DGKG: variants seen among roughly 807,000 people sequenced by gnomAD.
DGKG encodes the protein diacylglycerol kinase gamma.
A neutral mutation model predicts 105.3 loss-of-function variants in DGKG; 78 were observed. The observed-to-expected ratio is 0.74, with a 90% CI of 0.62 to 0.89. The LOEUF (loss-of-function observed/expected upper bound fraction) is 0.89. DGKG is among the 40% of genes least tolerant of loss of function. The pLI is 0.00. For synonymous variants in DGKG, 346 were observed against 367.1 expected, an observed-to-expected ratio of 0.94 and a Z score of 0.66; for missense variants, 958 against 1,020.1, an observed-to-expected ratio of 0.94 and a Z score of 0.83.
chr3:186,296,351 C>T (rs763946098), intron 5 of DGKG, among the ~76,000 whole-genome samples: 12 of 152,178 alleles, frequency 7.9e-5, no homozygotes, highest in Non-Finnish European at 1.6e-4. Context: ...GGAATCAAAC[C>T]CAGGCATCCT....
At chr3:186,322,180 G>T (rs1725112127) in intron 1 of DGKG, among the ~76,000 whole-genome samples, 1 of 152,136 alleles carries the variant, frequency 6.6e-6, no homozygotes, top group African/African-American at 2.4e-5. Flanking sequence ...CAGCCTAAAT[G>T]CCTATCAGTG....
At chr3:186,197,175 A>G (rs577369906) in intron 21 of DGKG, among the ~76,000 whole-genome samples, 2 of 152,068 alleles carry the variant, frequency 1.3e-5, no homozygotes, top group African/African-American at 2.4e-5. Flanking sequence ...TGAAGATGGA[A>G]GTAGTAAATG....
In DGKG at chr3:186,203,723, G is replaced by A. The variant is rs1307880412; in HGVS notation, c.1917+8072C>T. 2.0e-5 allele frequency among the ~76,000 whole-genome samples: 3 copies of A among 152,214 alleles called. No individual in the cohort carries two copies. The highest frequency in any genetic ancestry group is 3.8e-4 in the East Asian group (2 of 5,196). Reference sequence around the variant, plus strand: ...TACTTTTGACTCCATGGTTTGATATGTAATCAGGTTGGCCCTCTTATTTTC... The same window carrying A: ...TACTTTTGACTCCATGGTTTGATATATAATCAGGTTGGCCCTCTTATTTTC... On this transcript the variant is annotated intron_variant, in intron 21 of 24. Transcript: ENST00000265022. This position sits in a 1 kb window ranked among gnomAD's most constrained non-coding sequence, Gnocchi z 4.9.
chr3:186,165,027 C>A lies in DGKG; in HGVS notation c.2096-9G>T, dbSNP rs746345041. 3.7e-6 allele frequency: 6 copies of A among 1,609,812 alleles called. No individual in the cohort carries two copies. The highest frequency in any genetic ancestry group is 2.2e-5 in the South Asian group (2 of 90,498). ...GAGCTGGTCACTGAGGTCTGCAGAG[C>A]GAGACAGCAAAAGTAGTGCATACAC... On this transcript the variant is annotated splice_polypyrimidine_tract_variant and intron_variant, in intron 22 of 24. Coordinates refer to ENST00000265022, the MANE Select transcript of DGKG (RefSeq NM_001346.3).
chr3:186,273,802 A>C (rs1333321368), intron 10 of DGKG, among the ~76,000 whole-genome samples: 1 of 152,290 alleles, frequency 6.6e-6, no homozygotes, highest in South Asian at 2.1e-4. Context: ...AAAGCACTTC[A>C]GCCTGGAGCA....
intron 17 of DGKG, 37 bp from the exon 18 acceptor site, chr3:186,253,219 A>T (rs767603876): frequency 2.6e-6 from 4 of 1,522,392 alleles, no homozygotes; most frequent in Non-Finnish European, 3.6e-6. Flanking sequence ...ACCATATGCC[A>T]TGGGACTGTA....
intron 1 of DGKG, among the ~76,000 whole-genome samples, chr3:186,337,873 A>G (rs1408084482): frequency 2.0e-5 from 3 of 152,218 alleles, no homozygotes; most frequent in Non-Finnish European, 4.4e-5. Context: ...CAAAATTTTA[A>G]TAAAAAGTAG....
chr3:186,150,894 C>G (rs1715729171), intron 24 of DGKG, among the ~76,000 whole-genome samples: 1 of 152,212 alleles, frequency 6.6e-6, no homozygotes, highest in East Asian at 1.9e-4. Flanking sequence ...ATCCTCAGGT[C>G]ATGGCTTTGA....
intron 20 of DGKG, among the ~76,000 whole-genome samples, chr3:186,220,548 T>TAGTG (rs1298513217): frequency 6.6e-6 from 1 of 152,182 alleles, no homozygotes; most frequent in Non-Finnish European, 1.5e-5. Context: ...TCACCAGAGC[T>TAGTG]AGTGACTGCA....
chr3:186,338,347 C>G (rs564971539), intron 1 of DGKG, among the ~76,000 whole-genome samples: 1 of 152,166 alleles, frequency 6.6e-6, no homozygotes, highest in African/African-American at 2.4e-5. Context: ...GGAAGGCTTA[C>G]TTTAGTTCTG....
At chr3:186,321,012 G>C (rs777663949) in intron 1 of DGKG, among the ~76,000 whole-genome samples, 2 of 152,244 alleles carry the variant, frequency 1.3e-5, no homozygotes, top group African/African-American at 2.4e-5. Flanking sequence ...AATGCCTTAG[G>C]CTATTGGATG....
chr3:186,325,301 C>T (rs1193016523), intron 1 of DGKG, among the ~76,000 whole-genome samples: 1 of 152,164 alleles, frequency 6.6e-6, no homozygotes, highest in Non-Finnish European at 1.5e-5. Flanking sequence ...GGGTACTATG[C>T]TCACTACCTG....
intron 1 of DGKG, among the ~76,000 whole-genome samples, chr3:186,353,168 G>A (rs1476849745): frequency 6.6e-6 from 1 of 152,082 alleles, no homozygotes; most frequent in Non-Finnish European, 1.5e-5. Flanking sequence ...CGTATTACCT[G>A]ATTTCCTAGG....
intron 1 of DGKG, among the ~76,000 whole-genome samples, chr3:186,330,347 A>T (rs886083456): frequency 1.3e-5 from 2 of 152,188 alleles, no homozygotes; most frequent in African/African-American, 4.8e-5. Context: ...TTATCAATGA[A>T]CTGTCACTAT....
In DGKG at chr3:186,207,914, T is replaced by TCCAGTTGGC. The variant is rs1231349160; in HGVS notation, c.1917+3872_1917+3880dup. On this transcript the variant is annotated intron_variant, in intron 21 of 24. Coordinates refer to ENST00000265022, the MANE Select transcript of DGKG (RefSeq NM_001346.3). ...TGGACTCCCTTCAGTTTCTCTTTTG[T>TCCAGTTGGC]CCAGTTGGCCCAGTTGGCCACAAGC... 2.0e-5 allele frequency among the ~76,000 whole-genome samples: 3 copies of TCCAGTTGGC among 152,342 alleles called. No individual in the cohort carries two copies. In the East Asian group the frequency reaches 5.8e-4, roughly 29 times the overall value.
In DGKG at chr3:186,268,801, C is replaced by T. The variant is rs533768857; in HGVS notation, c.1116G>A (p.Thr372=). The T allele has an allele frequency of 3.2e-5, 52 of 1,609,396 alleles. No homozygotes were observed. The highest frequency in any genetic ancestry group is 3.7e-5 in the Non-Finnish European group (44 of 1,176,588). Residue 372 remains threonine (T), a splice_region_variant and synonymous_variant, in exon 12 of 25, where the codon ACG becomes ACA. Transcript: ENST00000265022. The part of the protein sequence containing the change: ...TARHCVWCRM[T]FHRKCELSTL... ...AGGGCCGCCCTGGGCGCCAACCCAC[C>T]GTCATCCGGCACCACACGCAGTGCC...
At position 186,158,248 on chromosome 3, in the gene DGKG, T is replaced by A. The variant is rs938934859; in HGVS notation, c.2277+3355A>T. ...TTTATTATTGCTCTTCTAATTTTAG[T>A]ATTATTCATTACATTTTACTTCTTT... On this transcript the variant is annotated intron_variant, in intron 24 of 24. Transcript: ENST00000265022. 5 of 711,200 alleles carry A rather than the reference T, an allele frequency of 7.0e-6. No individual in the cohort carries two copies. The Admixed American group carries it at 1.9e-4, about 27-fold the overall frequency. 44.1% of individuals were successfully genotyped at this position (711,200 alleles called of 1,614,324 possible). A position where few individuals can be genotyped will look rare whatever the true frequency, so the allele number is the denominator to read the frequency against.
chr3:186,225,066 ATTTC>A (rs1002365421), intron 20 of DGKG, among the ~76,000 whole-genome samples: 12 of 143,240 alleles, frequency 8.4e-5, no homozygotes, highest in African/African-American at 2.6e-4. Flanking sequence ...TTTCTGAATC[ATTTC>A]TTTCTTTTTT....
At chr3:186,171,181 G>A (rs572242098) in intron 22 of DGKG, among the ~76,000 whole-genome samples, 57 of 152,236 alleles carry the variant, frequency 3.7e-4, no homozygotes, top group South Asian at 1.0e-3. Context: ...ACTCCATTGC[G>A]AGTTGAAGGC....
Sources: gnomAD v4.1 joint callset for allele counts (sites outside exome capture counted in the v4.1 genomes callset) on GRCh38, gnomAD v4.1.1 for gene constraint, Gnocchi (gnomAD v3.1) non-coding constraint, MANE v1.5 for transcripts, NCBI Gene and HGNC (gene_info 2026-07-23, HGNC 2026-07-21) for gene names.